Variants in PCDH15 observed in about 807,000 individuals in gnomAD.
PCDH15 encodes protocadherin related 15.
A neutral mutation model predicts 178.5 loss-of-function variants in PCDH15; 129 were observed. The ratio of observed to expected loss-of-function variants is 0.72; its 90% CI spans 0.63 to 0.84. The LOEUF (loss-of-function observed/expected upper bound fraction) is 0.84. PCDH15 is among the 40% of genes least tolerant of loss of function. The pLI, the probability that PCDH15 is intolerant of heterozygous loss-of-function variation, is 0.00. For synonymous variants in PCDH15, 800 were observed against 732.0 expected (o/e 1.09, Z -1.50); for missense variants, 2,230 against 2,099.9 (o/e 1.06, Z -1.21).
chr10:54,532,030 A>T (rs2083982571), intron 2 of PCDH15, among the ~76,000 whole-genome samples: 1 of 152,128 alleles, frequency 6.6e-6, no homozygotes, highest in South Asian at 2.1e-4. Flanking sequence ...CCTAAAGAAA[A>T]ACTTGTCATA....
intron 3 of PCDH15, among the ~76,000 whole-genome samples, chr10:54,388,377 C>T (rs765353478): frequency 6.6e-6 from 1 of 152,200 alleles, no homozygotes; most frequent in South Asian, 2.1e-4. Context: ...AAATTATTCA[C>T]GAAGATCATT....
At chr10:53,955,363 C>G (rs983775511) in intron 23 of PCDH15, among the ~76,000 whole-genome samples, 2 of 152,132 alleles carry the variant, frequency 1.3e-5, no homozygotes, top group Non-Finnish European at 2.9e-5. Flanking sequence ...TCTGATTACC[C>G]TGAGATTTAA....
chr10:54,672,267 C>A (rs2094689179), intron 1 of PCDH15, among the ~76,000 whole-genome samples: 1 of 151,474 alleles, frequency 6.6e-6, no homozygotes, highest in Non-Finnish European at 1.5e-5. Context: ...TGGAATGCAC[C>A]TAAATCATCC....
In PCDH15 at chr10:55,426,454, G is replaced by C. The variant is rs546716121; in HGVS notation, c.-156+201171C>G. 2.6e-5 allele frequency among the ~76,000 whole-genome samples: 4 copies of C among 152,234 alleles called. No individual in the cohort carries two copies. In the South Asian group the frequency reaches 8.3e-4, roughly 32 times the overall value. On this transcript the variant is annotated intron_variant, in intron 2 of 5. Coordinates refer to the PCDH15 transcript ENST00000613346. ...AGGTACAGGAGCAGGCAGAATCTTT[G>C]GGTGCTGGCAGGAGTTAACTATGTG...
At chr10:54,555,288 T>C (rs1327637089) in intron 2 of PCDH15, among the ~76,000 whole-genome samples, 1 of 152,172 alleles carries the variant, frequency 6.6e-6, no homozygotes, top group Non-Finnish European at 1.5e-5. Flanking sequence ...TTATTGTGTA[T>C]CACTCTATAG....
chr10:54,332,915 T>C (rs1326233012), intron 6 of PCDH15, among the ~76,000 whole-genome samples: 1 of 152,090 alleles, frequency 6.6e-6, no homozygotes, highest in Admixed American at 6.6e-5. Context: ...TCTTAGATTT[T>C]AATTTTACTT....
intron 2 of PCDH15, among the ~76,000 whole-genome samples, chr10:54,962,119 G>T (rs1215580632): frequency 6.6e-6 from 1 of 152,240 alleles, no homozygotes; most frequent in Non-Finnish European, 1.5e-5. Context: ...ACTGAATGGT[G>T]GGAGTGAAAG....
intron 4 of PCDH15, among the ~76,000 whole-genome samples, chr10:54,374,010 G>A (rs918067713): frequency 6.6e-6 from 1 of 152,002 alleles, no homozygotes; most frequent in African/African-American, 2.4e-5. Flanking sequence ...AAATTATATA[G>A]ACAGGGTGCA....
chr10:54,923,738 A>T (rs559062100), intron 2 of PCDH15, among the ~76,000 whole-genome samples: 7 of 138,158 alleles, frequency 5.1e-5, no homozygotes, highest in African/African-American at 1.7e-4. Flanking sequence ...GTTCCTAAAA[A>T]GTTTATCATC....
intron 5 of PCDH15, among the ~76,000 whole-genome samples, chr10:54,360,652 AT>A (rs2134481834): frequency 6.6e-6 from 1 of 152,256 alleles, no homozygotes; most frequent in African/African-American, 2.4e-5. Context: ...TTATAACCAT[AT>A]AATCACATCT....
In PCDH15 at chr10:55,444,019, C is replaced by G. The variant is rs551785505; in HGVS notation, c.-156+183606G>C. Among the ~76,000 whole-genome samples the G allele has an allele frequency of 3.3e-5, 5 of 151,314 alleles. No homozygotes were observed. In the South Asian group the frequency reaches 1.0e-3, roughly 32 times the overall value. ...TGAAGCTGGAAACCATCATTCTCTG[C>G]AAACTAACACAGGAACAAAATATCA... On this transcript the variant is annotated intron_variant, in intron 2 of 5. Transcript: ENST00000613346.
intron 9 of PCDH15, among the ~76,000 whole-genome samples, chr10:54,230,288 C>T (rs1455517162): frequency 1.3e-5 from 2 of 151,838 alleles, no homozygotes; most frequent in South Asian, 2.1e-4. Context: ...TTGAAAAAAC[C>T]ACATGTGCTC....
chr10:55,218,391 A>G (rs1359737141), intron 1 of PCDH15, among the ~76,000 whole-genome samples: 1 of 152,028 alleles, frequency 6.6e-6, no homozygotes, highest in East Asian at 1.9e-4. Context: ...AAATGGTGAT[A>G]TGAATGAGGA....
intron 8 of PCDH15, among the ~76,000 whole-genome samples, chr10:54,281,524 T>A (rs926378065): frequency 2.6e-5 from 4 of 152,000 alleles, no homozygotes; most frequent in African/African-American, 9.7e-5. Flanking sequence ...AAGTAAATTA[T>A]CTTAGGAATA....
intron 2 of PCDH15, among the ~76,000 whole-genome samples, chr10:54,928,862 A>G (rs1006667476): frequency 6.6e-6 from 1 of 152,076 alleles, no homozygotes; most frequent in South Asian, 2.1e-4. Flanking sequence ...TATTGGATTG[A>G]GTTTCAACAT....
At position 54,857,451 on chromosome 10, in the gene PCDH15, T is replaced by TTC. The variant is rs1481687793; in HGVS notation, c.-29+39998_-29+39999insGA. ...TATTCGTTATTTTATTTGATTTAAA[T>TTC]ACTTTTTTTTGACATACAAGGTCTA... On this transcript the variant is annotated intron_variant, in intron 3 of 5. Transcript: ENST00000458638. Among the ~76,000 whole-genome samples, 5 of 152,070 alleles carry TTC rather than the reference T, an allele frequency of 3.3e-5. No homozygotes were observed. In the East Asian group the frequency reaches 9.6e-4, roughly 29 times the overall value.
intron 14 of PCDH15, 30 bp from the exon 15 acceptor site, chr10:54,133,037 T>C (rs1476756421): frequency 6.2e-7 from 1 of 1,613,686 alleles, no homozygotes; most frequent in East Asian, 2.2e-5. Context: ...AAGAAGATGG[T>C]TACGAATCTG....
In PCDH15 at chr10:53,840,361, G is replaced by C. The variant is rs1356928617; in HGVS notation, c.3942C>G (p.Asp1314Glu). Residue 1314 changes from aspartate to glutamate, a missense_variant, in exon 29 of 38, where the codon GAC (aspartate) becomes GAG (glutamate). By Grantham distance (45) the Asp-to-Glu change is conservative. Coordinates refer to ENST00000644397, the MANE Select transcript of PCDH15 (RefSeq NM_001384140.1). The part of the protein sequence containing the change: ...TKCDLTVYAI[D>E]PQTNRAIDRN... ...TATCGATGGCTCTGTTGGTTTGGGG[G>C]TCAATTGCATAGACAGTCAAGTCAC... 6.2e-7 allele frequency: 1 copy of C among 1,614,116 alleles called. No individual in the cohort carries two copies. The highest frequency in any genetic ancestry group is 1.1e-5 in the South Asian group (1 of 91,080).
At chr10:54,418,440 C>T (rs1954769284) in intron 3 of PCDH15, among the ~76,000 whole-genome samples, 1 of 151,930 alleles carries the variant, frequency 6.6e-6, no homozygotes, top group African/African-American at 2.4e-5. Context: ...ATGCACAGAA[C>T]CTATGTTTAG....
Sources: gnomAD v4.1 joint callset for allele counts (sites outside exome capture counted in the v4.1 genomes callset) on GRCh38, gnomAD v4.1.1 for gene constraint, MANE v1.5 for transcripts, NCBI Gene and HGNC (gene_info 2026-07-23, HGNC 2026-07-21) for gene names.